Variants in SUPT3H observed in about 807,000 individuals in gnomAD.
SUPT3H encodes transcription initiation protein SPT3 homolog.
Under a neutral mutation model 44.3 loss-of-function variants are expected in SUPT3H, and 44 were observed. That is an observed-to-expected ratio of 0.99 (90% confidence interval 0.78 to 1.28). The LOEUF (loss-of-function observed/expected upper bound fraction) is 1.28. Among genes scored for constraint, SUPT3H ranks in the 50% most tolerant of loss-of-function variants. The pLI is 0.00. For synonymous variants in SUPT3H, 124 were observed against 125.6 expected (o/e 0.99, Z 0.09); for missense variants, 380 against 387.1 (o/e 0.98, Z 0.15).
rs61643038 is a variant in SUPT3H at position 45,243,197 on chromosome 6, C to CA, written c.101+122003dup. ...TGGGAAACAGAGCGAGACTCCTTCT[C>CA]AAAAAAAAAAAAAAAAAAAAAAAGC... is the stretch of plus-strand genomic sequence containing the variant. On this transcript the variant is annotated intron_variant, in intron 2 of 10. Coordinates refer to ENST00000371459, the MANE Select transcript of SUPT3H (RefSeq NM_003599.4). Among the ~76,000 whole-genome samples the CA allele has an allele frequency of 6.1e-3, 443 of 72,514 alleles. 56 individuals are homozygous for CA. The highest frequency in any genetic ancestry group is 0.026 in the Admixed American group (129 of 5,036). 47.6% of individuals were successfully genotyped at this position (72,514 alleles called of 152,430 possible). A position where few individuals can be genotyped will look rare whatever the true frequency, so the allele number is the denominator to read the frequency against.
At chr6:45,097,380 AAGG>A (rs1211736499) in intron 3 of SUPT3H, 1 of 152,214 alleles carries the variant, frequency 6.6e-6, no homozygotes, top group Non-Finnish European at 1.5e-5. Context: ...CCGTGCCCTG[AAGG>A]AGAATTGATG....
intron 2 of SUPT3H, among the ~76,000 whole-genome samples, chr6:45,168,887 A>G (rs1039143657): frequency 1.3e-5 from 2 of 152,158 alleles, no homozygotes; most frequent in Non-Finnish European, 2.9e-5. Flanking sequence ...AGAGACTTAA[A>G]TTTTTTCAAA....
chr6:45,154,286 G>A (rs1374452111), intron 2 of SUPT3H, among the ~76,000 whole-genome samples: 2 of 152,014 alleles, frequency 1.3e-5, no homozygotes, highest in Admixed American at 6.6e-5. Flanking sequence ...ACAATTGGAG[G>A]ATGATGCTTA....
chr6:45,036,125 G>T (rs1787633979), intron 3 of SUPT3H, among the ~76,000 whole-genome samples: 1 of 152,140 alleles, frequency 6.6e-6, no homozygotes, highest in East Asian at 1.9e-4. Context: ...CGCCCATGTT[G>T]TCATGAAGCT....
chr6:45,338,175 T>C (rs189143068), intron 2 of SUPT3H, among the ~76,000 whole-genome samples: 2 of 152,192 alleles, frequency 1.3e-5, no homozygotes, highest in East Asian at 3.9e-4. Context: ...CAACAGCTAA[T>C]GCCTGTATTA....
In SUPT3H at chr6:45,129,401, G is replaced by A. The variant is rs144513461; in HGVS notation, c.102-23395C>T. Among the ~76,000 whole-genome samples, 383 of 152,318 alleles carry A rather than the reference G, an allele frequency of 2.5e-3. 4 individuals are homozygous for A. Among genetic ancestry groups the A allele is most frequent in the African/African-American group, 8.9e-3 (371 of 41,590 alleles). On this transcript the variant is annotated intron_variant, in intron 2 of 10. Transcript: ENST00000371459. ...CTTAGTATAGGATATTGAAGATCTGGAATCAAGTCCTCGCACAACAAATTT... is the reference window on the plus strand; with the variant it reads ...CTTAGTATAGGATATTGAAGATCTGAAATCAAGTCCTCGCACAACAAATTT...
intron 10 of SUPT3H, among the ~76,000 whole-genome samples, chr6:44,847,075 T>C (rs2153419188): frequency 6.6e-6 from 1 of 152,256 alleles, no homozygotes; most frequent in East Asian, 1.9e-4. Flanking sequence ...TAATTGATAT[T>C]AAGGATGAGA....
chr6:45,168,289 T>C (rs1217361756), intron 2 of SUPT3H, among the ~76,000 whole-genome samples: 1 of 152,202 alleles, frequency 6.6e-6, no homozygotes, highest in Non-Finnish European at 1.5e-5. Context: ...TTATCCAAAA[T>C]GCTTGGGATC....
intron 2 of SUPT3H, among the ~76,000 whole-genome samples, chr6:45,132,986 T>C (rs1001402221): frequency 6.6e-6 from 1 of 152,184 alleles, no homozygotes; most frequent in Non-Finnish European, 1.5e-5. Flanking sequence ...CTCTTACCAG[T>C]ACAAATATTG....
chr6:45,235,101 A>G (rs947595857), intron 2 of SUPT3H, among the ~76,000 whole-genome samples: 11 of 152,216 alleles, frequency 7.2e-5, no homozygotes, highest in Non-Finnish European at 1.3e-4. Context: ...AAGAAAGCCA[A>G]TGATACAAGT....
chr6:45,248,658 TG>T (rs1396996269), intron 2 of SUPT3H, among the ~76,000 whole-genome samples: 1 of 152,168 alleles, frequency 6.6e-6, no homozygotes, highest in East Asian at 1.9e-4. Flanking sequence ...GGCTCTTGCC[TG>T]TAATCCCAGC....
intron 2 of SUPT3H, among the ~76,000 whole-genome samples, chr6:45,267,037 A>G (rs1775370823): frequency 6.6e-6 from 1 of 152,182 alleles, no homozygotes; most frequent in Non-Finnish European, 1.5e-5. Context: ...TAAGGTATAT[A>G]CGAAACATAA....
At chr6:44,901,098 C>G (rs908562405) in intron 10 of SUPT3H, among the ~76,000 whole-genome samples, 17 of 152,080 alleles carry the variant, frequency 1.1e-4, no homozygotes, top group Non-Finnish European at 1.9e-4. Context: ...AAACTGGAAA[C>G]TCTAAAAATC....
chr6:45,192,945 C>T (rs746800358), intron 2 of SUPT3H, among the ~76,000 whole-genome samples: 16 of 152,036 alleles, frequency 1.1e-4, no homozygotes, highest in Non-Finnish European at 1.9e-4. Flanking sequence ...CTCTTTGAAC[C>T]ATTTTCTAAA....
chr6:45,333,967 A>C (rs1172266013), intron 2 of SUPT3H, among the ~76,000 whole-genome samples: 1 of 151,256 alleles, frequency 6.6e-6, no homozygotes, highest in Non-Finnish European at 1.5e-5. Flanking sequence ...ATACATACGC[A>C]ATTTCGATAA....
chr6:45,013,980 G>T (rs1375360943), intron 5 of SUPT3H, among the ~76,000 whole-genome samples: 1 of 151,948 alleles, frequency 6.6e-6, no homozygotes, highest in African/African-American at 2.4e-5. Flanking sequence ...CTTGCTGTAC[G>T]TGCTTAGGAC....
At position 44,928,894 on chromosome 6, in the gene SUPT3H, AAAAAAAAAAAG is replaced by A. The variant is rs1408387157; in HGVS notation, c.912+3748_912+3758del. On this transcript the variant is annotated intron_variant, in intron 10 of 10. Transcript: ENST00000371459. ...CGAGACTCCGTCTCAAAAAAAAAAA[AAAAAAAAAAAG>A]AAAAGAAAAGAAACAAATCACCAAT... Among the ~76,000 whole-genome samples, 85 of 135,846 alleles carry A rather than the reference AAAAAAAAAAAG, an allele frequency of 6.3e-4. 1 individual carries two copies. The East Asian group carries it at 0.015, about 25-fold the overall frequency. The allele number at this position is 135,846 out of a possible 152,430, so 89.1% of individuals were successfully genotyped here.
At chr6:45,120,081 G>A (rs1332254458) in intron 2 of SUPT3H, among the ~76,000 whole-genome samples, 1 of 151,816 alleles carries the variant, frequency 6.6e-6, no homozygotes, top group East Asian at 1.9e-4. Context: ...GACTTGAAGA[G>A]GTTAACTAAA....
chr6:45,071,573 G>C (rs1794390737), intron 3 of SUPT3H, among the ~76,000 whole-genome samples: 1 of 152,136 alleles, frequency 6.6e-6, no homozygotes, highest in Non-Finnish European at 1.5e-5. Flanking sequence ...TGTCACCCAA[G>C]AAACAGCTTT....
Sources: gnomAD v4.1 joint callset for allele counts (sites outside exome capture counted in the v4.1 genomes callset) on GRCh38, gnomAD v4.1.1 for gene constraint, MANE v1.5 for transcripts, NCBI Gene and HGNC (gene_info 2026-07-23, HGNC 2026-07-21) for gene names.